Variants in NKAIN3 observed in about 807,000 individuals in gnomAD.
The protein encoded by NKAIN3 is sodium/potassium-transporting ATPase subunit beta-1-interacting protein 3.
A neutral mutation model predicts 30.2 loss-of-function variants in NKAIN3; 25 were observed. That is an observed-to-expected ratio of 0.83 (90% CI 0.60 to 1.16). The LOEUF is 1.16. Among genes scored for constraint, NKAIN3 ranks in the 50% most tolerant of loss-of-function variants. NKAIN3 has a pLI of 0.00. For missense variants in NKAIN3, 225 were observed against 254.1 expected (o/e 0.89, Z 0.78); for synonymous variants, 91 against 89.6 (o/e 1.02, Z -0.09).
chr8:62,996,536 A>G (rs565908086), intron 5 of NKAIN3, among the ~76,000 whole-genome samples: 52 of 152,276 alleles, frequency 3.4e-4, no homozygotes, highest in Admixed American at 6.5e-4. Flanking sequence ...CCTTCCCAAC[A>G]GTCCCCCAAA....
chr8:62,664,558 C>G (rs58118486), intron 3 of NKAIN3, among the ~76,000 whole-genome samples: 1 of 152,234 alleles, frequency 6.6e-6, no homozygotes, highest in African/African-American at 2.4e-5. Flanking sequence ...GATACATTTT[C>G]CTTACTGAGC....
chr8:62,373,974 G>T (rs540268695), intron 1 of NKAIN3, among the ~76,000 whole-genome samples: 5 of 151,692 alleles, frequency 3.3e-5, no homozygotes, highest in Non-Finnish European at 7.4e-5. Context: ...TTAGCCAGGC[G>T]TGGTGGCAGG....
At chr8:62,688,201 T>C (rs1813854732) in intron 3 of NKAIN3, among the ~76,000 whole-genome samples, 2 of 152,218 alleles carry the variant, frequency 1.3e-5, no homozygotes, top group South Asian at 4.1e-4. Context: ...TTCATTCTTA[T>C]ATTGAGTAAG....
At chr8:62,587,447 A>G (rs1810511968) in intron 2 of NKAIN3, among the ~76,000 whole-genome samples, 1 of 152,032 alleles carries the variant, frequency 6.6e-6, no homozygotes, top group South Asian at 2.1e-4. Flanking sequence ...CAATTATAGA[A>G]CATATATGAA....
chr8:62,460,063 G>A (rs1446377988), intron 1 of NKAIN3, among the ~76,000 whole-genome samples: 3 of 152,122 alleles, frequency 2.0e-5, no homozygotes, highest in Non-Finnish European at 2.9e-5. Flanking sequence ...GTGGTGGGAC[G>A]CCAGTGAAAC....
At position 62,973,823 on chromosome 8, in the gene NKAIN3, T is replaced by A. The variant is rs541452451; in HGVS notation, c.*8416T>A. On this transcript the variant is annotated 3_prime_UTR_variant, in exon 7 of 7. Coordinates refer to ENST00000623646, the MANE Select transcript of NKAIN3 (RefSeq NM_001304533.3). ...GTTTTACATTTAAGTTTTTAAGCCATCTTGAGTTAATTTTTGTACAAGATG... is the reference window on the plus strand; with the variant it reads ...GTTTTACATTTAAGTTTTTAAGCCAACTTGAGTTAATTTTTGTACAAGATG... 6.6e-6 allele frequency among the ~76,000 whole-genome samples: 1 copy of A among 152,334 alleles called. No individual in the cohort carries two copies. The highest frequency in any genetic ancestry group is 2.4e-5 in the African/African-American group (1 of 41,584).
intron 4 of NKAIN3, among the ~76,000 whole-genome samples, chr8:62,849,017 T>A (rs1390670718): frequency 6.6e-6 from 1 of 152,154 alleles, no homozygotes; most frequent in Non-Finnish European, 1.5e-5. Flanking sequence ...GAAGCCAACT[T>A]GATTGTGGTG....
intron 1 of NKAIN3, among the ~76,000 whole-genome samples, chr8:62,355,331 A>T (rs1027957117): frequency 1.3e-5 from 2 of 152,208 alleles, no homozygotes; most frequent in Admixed American, 1.3e-4. Context: ...AAGATTCATG[A>T]AGTCAAGACA....
At chr8:62,604,404 G>T (rs1170107292) in intron 3 of NKAIN3, among the ~76,000 whole-genome samples, 4 of 152,118 alleles carry the variant, frequency 2.6e-5, no homozygotes, top group African/African-American at 9.7e-5. Context: ...GTAATTGTCG[G>T]TGTGCTTGCA....
At chr8:62,647,737 C>T (rs1586046610) in intron 3 of NKAIN3, among the ~76,000 whole-genome samples, 1 of 152,276 alleles carries the variant, frequency 6.6e-6, no homozygotes, top group Middle Eastern at 3.4e-3. Context: ...TGAATCCCCT[C>T]GATTGCCGAA....
chr8:62,332,540 G>A (rs1168143149), intron 1 of NKAIN3, among the ~76,000 whole-genome samples: 1 of 151,996 alleles, frequency 6.6e-6, no homozygotes, highest in Admixed American at 6.6e-5. Context: ...TCACTATAGT[G>A]GTTGAGTGAC....
intron 3 of NKAIN3, among the ~76,000 whole-genome samples, chr8:62,717,894 G>T (rs992452260): frequency 6.6e-6 from 1 of 152,142 alleles, no homozygotes; most frequent in Non-Finnish European, 1.5e-5. Context: ...TTAGTATGGT[G>T]TATCAGTCCA....
chr8:62,625,863 G>A (rs1379133886), intron 3 of NKAIN3, among the ~76,000 whole-genome samples: 1 of 151,966 alleles, frequency 6.6e-6, no homozygotes. Flanking sequence ...CTTGGAGCAG[G>A]AAAGACAAAT....
chr8:62,998,246 A>G (rs1804169366), intron 5 of NKAIN3, among the ~76,000 whole-genome samples: 1 of 151,684 alleles, frequency 6.6e-6, no homozygotes, highest in African/African-American at 2.4e-5. Context: ...AAGTGTAGTC[A>G]TTTTTCTTTC....
At chr8:62,799,310 A>G (rs971030208) in intron 4 of NKAIN3, among the ~76,000 whole-genome samples, 2 of 152,204 alleles carry the variant, frequency 1.3e-5, no homozygotes, top group African/African-American at 4.8e-5. Flanking sequence ...CAAAGTACTA[A>G]TATCTACAGT....
In NKAIN3 at chr8:62,318,647, A is replaced by G. The variant is rs1287329939; in HGVS notation, c.54+69520A>G. Among the ~76,000 whole-genome samples, 25 of 152,126 alleles carry G rather than the reference A, an allele frequency of 1.6e-4. 1 individual carries two copies. Among genetic ancestry groups the G allele is most frequent in the Middle Eastern group, 6.3e-3 (2 of 316 alleles). ...TGCTGTATTACGTTTATTGATTTGC[A>G]TATGTTGAACCAGACTTGCATCCCA... is the stretch of plus-strand genomic sequence containing the variant. On this transcript the variant is annotated intron_variant, in intron 1 of 6. Transcript: ENST00000623646.
intron 4 of NKAIN3, among the ~76,000 whole-genome samples, chr8:62,758,238 G>A (rs1816520553): frequency 2.0e-5 from 3 of 152,110 alleles, no homozygotes; most frequent in African/African-American, 7.2e-5. Flanking sequence ...GATTAAAGGA[G>A]ACTGAGGAAA....
chr8:62,512,387 T>A (rs1043887804), intron 1 of NKAIN3, among the ~76,000 whole-genome samples: 2 of 152,108 alleles, frequency 1.3e-5, no homozygotes, highest in Admixed American at 6.6e-5. Flanking sequence ...AAATGGTCAG[T>A]GAGGGCCTGG....
intron 1 of NKAIN3, among the ~76,000 whole-genome samples, chr8:62,500,882 C>T (rs115957862): frequency 1.8e-4 from 27 of 152,242 alleles, no homozygotes; most frequent in African/African-American, 6.5e-4. Context: ...ATGTGATGAT[C>T]CTGGCCCAAT....
Sources: allele counts gnomAD v4.1 joint callset (sites outside exome capture counted in the v4.1 genomes callset), GRCh38; gene constraint gnomAD v4.1.1; transcripts MANE v1.5; gene names NCBI Gene and HGNC (gene_info 2026-07-23, HGNC 2026-07-21).